The following FER1L6 variants were observed in gnomAD, a reference collection of about 807,000 sequenced individuals.
The protein encoded by FER1L6 is fer-1 like family member 6.
FER1L6 carries 177 observed loss-of-function variants against 219.2 expected under a neutral mutation model. That is an observed-to-expected ratio of 0.81 (90% CI 0.71 to 0.91). FER1L6 has a LOEUF of 0.91. Ranked by LOEUF, FER1L6 falls within the 40% of genes least tolerant of loss-of-function variation. The pLI is 0.00. For missense variants in FER1L6, 2,153 were observed against 2,259.9 expected, an observed-to-expected ratio of 0.95 and a Z score of 0.96; for synonymous variants, 768 against 824.3, an observed-to-expected ratio of 0.93 and a Z score of 1.17.
chr8:123,985,315 C>T (rs192111343), intron 11 of FER1L6: 14 of 152,280 alleles, frequency 9.2e-5, no homozygotes, highest in African/African-American at 3.4e-4. Context: ...ACCTGTGTAC[C>T]CTTCACAGCA....
At chr8:124,106,029 G>A (rs778364193) in intron 39 of FER1L6, among the ~76,000 whole-genome samples, 7 of 152,134 alleles carry the variant, frequency 4.6e-5, no homozygotes. Flanking sequence ...AACTGGTATG[G>A]AGTTTCTTTT....
rs186581169 is a variant in FER1L6 at position 124,114,449 on chromosome 8, G to A, written c.5290-4395G>A. On this transcript the variant is annotated intron_variant, in intron 39 of 40. Transcript: ENST00000522917. Reference sequence around the variant, plus strand: ...CAGTAGCAAAGAAGACTCCTAGCACGTAGATCCTGGTTTCTATACATCAGC... The same window carrying A: ...CAGTAGCAAAGAAGACTCCTAGCACATAGATCCTGGTTTCTATACATCAGC... 1.7e-4 allele frequency among the ~76,000 whole-genome samples: 26 copies of A among 152,162 alleles called. No individual in the cohort carries two copies. In the East Asian group the frequency reaches 3.3e-3, roughly 19 times the overall value.
intron 15 of FER1L6, among the ~76,000 whole-genome samples, chr8:124,013,978 A>G (rs1315227064): frequency 6.6e-6 from 1 of 152,176 alleles, no homozygotes; most frequent in Non-Finnish European, 1.5e-5. Context: ...TATACTATTC[A>G]GTGAGCCTGA....
intron 10 of FER1L6, among the ~76,000 whole-genome samples, chr8:123,978,095 G>T (rs1203586645): frequency 6.6e-6 from 1 of 152,172 alleles, no homozygotes; most frequent in Non-Finnish European, 1.5e-5. Flanking sequence ...GGCAATGGAT[G>T]AAGCCAGGCT....
At chr8:124,018,294 A>G (rs1188271342) in intron 16 of FER1L6, among the ~76,000 whole-genome samples, 2 of 152,236 alleles carry the variant, frequency 1.3e-5, no homozygotes, top group African/African-American at 4.8e-5. Flanking sequence ...ATTTCATGTG[A>G]GGCCAGGATA....
At chr8:124,000,443 C>G (rs1335573619) in intron 12 of FER1L6, among the ~76,000 whole-genome samples, 1 of 152,090 alleles carries the variant, frequency 6.6e-6, no homozygotes, top group Non-Finnish European at 1.5e-5. Flanking sequence ...CTTCAGGGTT[C>G]TATTGGCCAT....
At chr8:124,008,859 CAT>C (rs1373589528) in intron 13 of FER1L6, among the ~76,000 whole-genome samples, 1 of 152,162 alleles carries the variant, frequency 6.6e-6, no homozygotes, top group African/African-American at 2.4e-5. Context: ...GACCAACAGA[CAT>C]ATGAAAAAAT....
intron 1 of FER1L6, among the ~76,000 whole-genome samples, chr8:123,920,537 G>T (rs147464127): frequency 6.6e-6 from 1 of 152,202 alleles, no homozygotes; most frequent in East Asian, 1.9e-4. Flanking sequence ...GCCAGAGCTC[G>T]GCCAGGAGGG....
At chr8:124,101,708 C>T (rs920028455) in intron 38 of FER1L6, among the ~76,000 whole-genome samples, 1 of 152,188 alleles carries the variant, frequency 6.6e-6, no homozygotes, top group African/African-American at 2.4e-5. Flanking sequence ...TAGTGCCTCA[C>T]ACATAGTAAG....
chr8:123,932,290 G>C (rs1813802109), intron 1 of FER1L6, among the ~76,000 whole-genome samples: 1 of 151,850 alleles, frequency 6.6e-6, no homozygotes, highest in Non-Finnish European at 1.5e-5. Context: ...TGTGTTTTTA[G>C]TAGAGACAGG....
At chr8:123,918,584 T>G (rs1388916578) in intron 1 of FER1L6, among the ~76,000 whole-genome samples, 1 of 152,044 alleles carries the variant, frequency 6.6e-6, no homozygotes, top group African/African-American at 2.4e-5. Context: ...AAGTGTAGGC[T>G]GTGGGAGGTT....
chr8:123,949,916 G>C (rs890998775), intron 1 of FER1L6, among the ~76,000 whole-genome samples: 4 of 152,206 alleles, frequency 2.6e-5, no homozygotes, highest in Admixed American at 1.3e-4. Flanking sequence ...GCCTAAAAAA[G>C]ATAGGAGTTT....
At chr8:123,856,003 TATATGAG>T (rs1358314251) in intron 1 of FER1L6, among the ~76,000 whole-genome samples, 1 of 144,732 alleles carries the variant, frequency 6.9e-6, no homozygotes, top group Admixed American at 7.1e-5. Context: ...TATACATATG[TATATGAG>T]ATATATGTAT....
At chr8:123,946,756 T>C (rs997422092) in intron 1 of FER1L6, among the ~76,000 whole-genome samples, 1 of 151,954 alleles carries the variant, frequency 6.6e-6, no homozygotes, top group African/African-American at 2.4e-5. Context: ...TGCAGACACC[T>C]GGGCTTAATT....
rs544903207 is a variant in FER1L6 at position 123,945,831 on chromosome 8, CAT to C, written c.-7-10158_-7-10157del. On this transcript the variant is annotated intron_variant, in intron 1 of 40. Coordinates refer to ENST00000522917, the MANE Select transcript of FER1L6 (RefSeq NM_001039112.2). ...TCTTTGCGAGTCATATTTGAAATAA[CAT>C]ATTCATTTTCAGCATTGAACTGCTT... 1.0e-3 allele frequency among the ~76,000 whole-genome samples: 155 copies of C among 152,322 alleles called. 2 individuals are homozygous for C. The highest frequency in any genetic ancestry group is 9.9e-3 in the Admixed American group (152 of 15,304).
chr8:123,894,223 G>A (rs761460812), intron 1 of FER1L6, among the ~76,000 whole-genome samples: 7 of 152,064 alleles, frequency 4.6e-5, no homozygotes, highest in African/African-American at 1.7e-4. Context: ...GAAATGCCAC[G>A]CCCCTCATTC....
intron 15 of FER1L6, among the ~76,000 whole-genome samples, chr8:124,015,302 T>G (rs957190105): frequency 6.6e-6 from 1 of 152,044 alleles, no homozygotes; most frequent in African/African-American, 2.4e-5. Context: ...TGGAGCCATC[T>G]TAGAGGCTGC....
chr8:123,887,137 G>C (rs746683376), intron 1 of FER1L6, among the ~76,000 whole-genome samples: 1 of 152,098 alleles, frequency 6.6e-6, no homozygotes, highest in Non-Finnish European at 1.5e-5. Context: ...ACATAGTTAC[G>C]TTTCTTCCCT....
chr8:124,097,897 C>T lies in FER1L6; in HGVS notation c.4883+14C>T. 2.3e-6 allele frequency: 3 copies of T among 1,324,740 alleles called. No individual in the cohort carries two copies. The highest frequency in any genetic ancestry group is 3.3e-6 in the Non-Finnish European group (3 of 916,306). The allele number at this position is 1,324,740 out of a possible 1,614,324, so 82.1% of individuals were successfully genotyped here. Reference sequence around the variant, plus strand: ...TTATGTGAAAGGGTAAGGTTATCAACAAACTCCAACCTCCCATTTCCTTCC... The same window carrying T: ...TTATGTGAAAGGGTAAGGTTATCAATAAACTCCAACCTCCCATTTCCTTCC... On this transcript the variant is annotated intron_variant, in intron 37 of 40. Coordinates refer to ENST00000522917, the MANE Select transcript of FER1L6 (RefSeq NM_001039112.2).
Sources: allele counts gnomAD v4.1 joint callset (sites outside exome capture counted in the v4.1 genomes callset), GRCh38; gene constraint gnomAD v4.1.1; transcripts MANE v1.5; gene names NCBI Gene and HGNC (gene_info 2026-07-23, HGNC 2026-07-21).